The following CDH12 variants were observed in gnomAD, a reference collection of about 807,000 sequenced individuals.
The protein encoded by CDH12 is cadherin 12.
Under a neutral mutation model 74.1 loss-of-function variants are expected in CDH12, and 41 were observed. The observed-to-expected ratio is 0.55, with a 90% CI of 0.43 to 0.72. The LOEUF (loss-of-function observed/expected upper bound fraction) is 0.72. CDH12 is among the 30% of genes least tolerant of loss of function. The pLI is 0.00. For missense variants in CDH12, 945 were observed against 977.2 expected (o/e 0.97, Z 0.44); for synonymous variants, 399 against 355.0 (o/e 1.12, Z -1.39).
At chr5:22,552,433 C>CTTT (rs753291877) in intron 1 of CDH12, among the ~76,000 whole-genome samples, 1 of 139,298 alleles carries the variant, frequency 7.2e-6, no homozygotes, top group African/African-American at 2.6e-5. Flanking sequence ...ATTTTCTTTT[C>CTTT]TTTTTTTTTT....
At chr5:21,762,611 C>T (rs987477996) in intron 12 of CDH12, among the ~76,000 whole-genome samples, 1 of 151,966 alleles carries the variant, frequency 6.6e-6, no homozygotes, top group African/African-American at 2.4e-5. Context: ...CAATTGGACA[C>T]AAAAACCCCA....
At chr5:22,455,546 T>C (rs1208230867) in intron 2 of CDH12, among the ~76,000 whole-genome samples, 1 of 152,154 alleles carries the variant, frequency 6.6e-6, no homozygotes, top group Non-Finnish European at 1.5e-5. Context: ...AAAAGCTCAT[T>C]TGAGAACCAT....
intron 5 of CDH12, among the ~76,000 whole-genome samples, chr5:22,067,293 G>A (rs867776425): frequency 3.3e-5 from 5 of 152,140 alleles, no homozygotes; most frequent in Middle Eastern, 6.3e-3. Context: ...CATCTACCTC[G>A]TTGAAATTTG....
intron 3 of CDH12, among the ~76,000 whole-genome samples, chr5:22,306,337 A>G (rs1267456653): frequency 6.6e-6 from 1 of 152,112 alleles, no homozygotes. Context: ...GTATAAGGAA[A>G]AAAAATAATG....
intron 3 of CDH12, among the ~76,000 whole-genome samples, chr5:22,328,420 T>G (rs1739214137): frequency 1.3e-5 from 2 of 152,206 alleles, no homozygotes; most frequent in African/African-American, 4.8e-5. Flanking sequence ...TTCATGGATT[T>G]ACAGTATGTG....
At chr5:22,754,640 T>A (rs1745792676) in intron 1 of CDH12, among the ~76,000 whole-genome samples, 1 of 150,762 alleles carries the variant, frequency 6.6e-6, no homozygotes, top group East Asian at 1.9e-4. Context: ...TTAGAGGGAC[T>A]GAAAGCAGAG....
At position 22,007,192 on chromosome 5, in the gene CDH12, T is replaced by A. The variant is rs184155044; in HGVS notation, c.232-31807A>T. ...AATAAAGGTAATAAAAGACAGATCC[T>A]GGACTTATCTTCTCGTGTATTAACA... On this transcript the variant is annotated intron_variant, in intron 5 of 14. Coordinates refer to ENST00000382254, the MANE Select transcript of CDH12 (RefSeq NM_004061.5). Among the ~76,000 whole-genome samples the A allele has an allele frequency of 7.6e-3, 1,156 of 152,284 alleles. 17 individuals carry two copies. The highest frequency in any genetic ancestry group is 0.027 in the African/African-American group (1,110 of 41,578).
At chr5:22,333,962 A>T (rs945579005) in intron 3 of CDH12, among the ~76,000 whole-genome samples, 14 of 152,216 alleles carry the variant, frequency 9.2e-5, no homozygotes, top group Non-Finnish European at 2.9e-5. Context: ...AAAATTGAGT[A>T]TAGAAGGAAC....
intron 2 of CDH12, among the ~76,000 whole-genome samples, chr5:22,485,948 C>T (rs1746574115): frequency 6.6e-6 from 1 of 152,184 alleles, no homozygotes; most frequent in Non-Finnish European, 1.5e-5. Flanking sequence ...TAAAGCATTT[C>T]TGGTCCAATA....
At chr5:22,269,649 G>A (rs2150399289) in intron 3 of CDH12, among the ~76,000 whole-genome samples, 1 of 152,264 alleles carries the variant, frequency 6.6e-6, no homozygotes, top group East Asian at 1.9e-4. Flanking sequence ...AAGGCAGCCA[G>A]TTAGTTGATG....
At chr5:22,253,722 T>G (rs1753211106) in intron 3 of CDH12, among the ~76,000 whole-genome samples, 1 of 151,688 alleles carries the variant, frequency 6.6e-6, no homozygotes, top group Admixed American at 6.6e-5. Context: ...CCTCCACCTC[T>G]CCTCCTCCTC....
chr5:22,329,612 A>G (rs966529992), intron 3 of CDH12, among the ~76,000 whole-genome samples: 5 of 152,224 alleles, frequency 3.3e-5, no homozygotes, highest in Admixed American at 1.3e-4. Context: ...AGAGTCATTG[A>G]AAAGAGTAAG....
At chr5:22,572,892 G>GT (rs1187528240) in intron 1 of CDH12, among the ~76,000 whole-genome samples, 2 of 152,090 alleles carry the variant, frequency 1.3e-5, no homozygotes, top group Admixed American at 1.3e-4. Context: ...TGAAACAACT[G>GT]TTTTACATCC....
At chr5:22,192,718 A>C (rs1262373799) in intron 4 of CDH12, among the ~76,000 whole-genome samples, 1 of 152,230 alleles carries the variant, frequency 6.6e-6, no homozygotes. Flanking sequence ...TAGACCTCTT[A>C]TCCCAGAATA....
intron 1 of CDH12, among the ~76,000 whole-genome samples, chr5:22,789,411 G>C (rs542545616): frequency 6.6e-4 from 100 of 152,050 alleles, no homozygotes; most frequent in African/African-American, 2.2e-3. Flanking sequence ...AACAAGATTT[G>C]TAAAAACAAA....
In CDH12 at chr5:22,010,904, T is replaced by A. The variant is rs1271776491; in HGVS notation, c.232-35519A>T. Among the ~76,000 whole-genome samples, 4 of 152,188 alleles carry A rather than the reference T, an allele frequency of 2.6e-5. No homozygotes were observed. In the East Asian group the frequency reaches 7.8e-4, roughly 30 times the overall value. On this transcript the variant is annotated intron_variant, in intron 5 of 14. Transcript: ENST00000382254. ...TTGGGGCCCAATCCCTATTCATTTG[T>A]GTCTTAACAGTCTTTGAAGGGATGT...
rs1459451384 is a variant in CDH12, at chr5:22,322,106, G to A, written c.-333+83151C>T. Reference sequence around the variant, plus strand: ...AACCACACATTCAGTATTCACTGAAGCTTCCTGTGTAGGATGAGAGTCAGG... The same window carrying A: ...AACCACACATTCAGTATTCACTGAAACTTCCTGTGTAGGATGAGAGTCAGG... On this transcript the variant is annotated intron_variant, in intron 3 of 14. Coordinates refer to ENST00000382254, the MANE Select transcript of CDH12 (RefSeq NM_004061.5). 2.0e-5 allele frequency among the ~76,000 whole-genome samples: 3 copies of A among 152,264 alleles called. No homozygotes were observed. In the East Asian group the frequency reaches 5.8e-4, roughly 29 times the overall value.
chr5:21,752,021 G>A lies in CDH12; in HGVS notation c.2101C>T (p.Pro701Ser), dbSNP rs1284791847. The change falls in exon 15 of 15, where the codon CCT becomes TCT. Residue 701 changes from proline to serine, a missense_variant. By Grantham distance (74) the Pro-to-Ser change is moderately conservative. Coordinates refer to ENST00000382254, the MANE Select transcript of CDH12 (RefSeq NM_004061.5). The part of the protein sequence containing the change: ...RDIKPDSLCL[P>S]RQRPPMEDNT... ...TCTTCCATGGGTGGTCTCTGACGAG[G>A]TAAACAGAGAGAGTCTGGTTTTATA... The A allele has an allele frequency of 5.6e-6, 9 of 1,614,068 alleles. No homozygotes were observed. Among genetic ancestry groups the A allele is most frequent in the Non-Finnish European group, 7.6e-6 (9 of 1,180,004 alleles).
At chr5:22,650,336 A>T (rs547358682) in intron 1 of CDH12, among the ~76,000 whole-genome samples, 156 of 152,134 alleles carry the variant, frequency 1.0e-3, no homozygotes, top group African/African-American at 3.5e-3. Context: ...TTTTTTGTTT[A>T]GTTATGGAAA....
Sources: gnomAD v4.1 joint callset for allele counts (sites outside exome capture counted in the v4.1 genomes callset) on GRCh38, gnomAD v4.1.1 for gene constraint, MANE v1.5 for transcripts, NCBI Gene and HGNC (gene_info 2026-07-23, HGNC 2026-07-21) for gene names.